The following ECT2L variants were observed in gnomAD, a reference collection of about 807,000 sequenced individuals.
ECT2L encodes the protein epithelial cell-transforming sequence 2 oncogene-like.
Under a neutral mutation model 122.8 loss-of-function variants are expected in ECT2L, and 126 were observed. That is an observed-to-expected ratio of 1.03 (90% CI 0.89 to 1.19). The LOEUF is 1.19. Ranked by LOEUF, ECT2L falls within the 50% of genes most tolerant of loss-of-function variation. ECT2L has a pLI of 0.00. For synonymous variants in ECT2L, 385 were observed against 381.8 expected, an observed-to-expected ratio of 1.01 and a Z score of -0.10; for missense variants, 1,012 against 1,064.1, an observed-to-expected ratio of 0.95 and a Z score of 0.68.
intron 4 of ECT2L, among the ~76,000 whole-genome samples, chr6:138,837,059 G>A (rs1433559096): frequency 6.6e-6 from 1 of 152,014 alleles, no homozygotes; most frequent in African/African-American, 2.4e-5. Flanking sequence ...CTTCTGGGAT[G>A]TTATTGCTTT....
intron 4 of ECT2L, among the ~76,000 whole-genome samples, chr6:138,816,732 G>T (rs906630098): frequency 5.3e-5 from 8 of 152,130 alleles, no homozygotes; most frequent in African/African-American, 1.9e-4. Flanking sequence ...TGATCTGCCT[G>T]CCTCGGCCTC....
At chr6:138,892,799 G>A (rs547744240) in intron 20 of ECT2L, among the ~76,000 whole-genome samples, 2 of 152,080 alleles carry the variant, frequency 1.3e-5, no homozygotes, top group African/African-American at 2.4e-5. Context: ...AGCCAGCACC[G>A]CTTATAACTT....
intron 4 of ECT2L, among the ~76,000 whole-genome samples, chr6:138,836,943 TGTCCCTGCCCTG>T (rs1776862903): frequency 6.6e-6 from 1 of 152,162 alleles, no homozygotes; most frequent in African/African-American, 2.4e-5. Context: ...ATACTTTCCT[TGTCCCTGCCCTG>T]GTATCAGTAT....
intron 4 of ECT2L, among the ~76,000 whole-genome samples, chr6:138,816,673 G>T (rs965495976): frequency 6.6e-6 from 1 of 152,108 alleles, no homozygotes; most frequent in African/African-American, 2.4e-5. Context: ...TTTTAGTAGA[G>T]ATGGGGTTTC....
At chr6:138,799,327 C>G (rs1304518736) in intron 1 of ECT2L, among the ~76,000 whole-genome samples, 1 of 151,938 alleles carries the variant, frequency 6.6e-6, no homozygotes, top group Non-Finnish European at 1.5e-5. Flanking sequence ...GATCTCGGCT[C>G]ACTGCAAGCT....
rs974027052 is a variant in ECT2L at position 138,854,492 on chromosome 6, C to T, written c.1198+338C>T. ...ATAATCATTCAATCCGAGAAAACAC[C>T]CCCTGCCGCCTTCTGAACCTGGAGT... On this transcript the variant is annotated intron_variant, in intron 10 of 21. Transcript: ENST00000541398. 3.9e-5 allele frequency among the ~76,000 whole-genome samples: 6 copies of T among 152,146 alleles called. No individual in the cohort carries two copies. In the South Asian group the frequency reaches 1.0e-3, roughly 26 times the overall value.
At chr6:138,853,209 A>G (rs1047712499) in intron 9 of ECT2L, among the ~76,000 whole-genome samples, 2 of 152,058 alleles carry the variant, frequency 1.3e-5, no homozygotes, top group African/African-American at 4.8e-5. Flanking sequence ...CTTGTGATCC[A>G]CCTGCCTCGG....
At chr6:138,883,801 G>A (rs17067985) in intron 16 of ECT2L, among the ~76,000 whole-genome samples, 10,133 of 152,288 alleles carry the variant, frequency 0.067, 429 homozygotes, top group East Asian at 0.13. Flanking sequence ...AGATAATGAT[G>A]CCTAGTTCAC....
At chr6:138,806,259 G>A (rs145057824) in intron 1 of ECT2L, among the ~76,000 whole-genome samples, 10 of 152,176 alleles carry the variant, frequency 6.6e-5, no homozygotes, top group Admixed American at 4.6e-4. Flanking sequence ...CTTACTTCAA[G>A]CTGGCCATGC....
At chr6:138,873,896 G>GTGTGTGTGTGTGTGTGTGTGTA (rs1167591342) in intron 13 of ECT2L, among the ~76,000 whole-genome samples, 42 of 149,794 alleles carry the variant, frequency 2.8e-4, no homozygotes, top group African/African-American at 1.0e-3. Flanking sequence ...GTGTGTGTGT[G>GTGTGTGTGTGTGTGTGTGTGTA]TGTGTGTGTG....
chr6:138,871,421 GGCAGGAGCAGACATAGAGAACT>G (rs937996944), intron 13 of ECT2L, among the ~76,000 whole-genome samples: 2 of 152,188 alleles, frequency 1.3e-5, no homozygotes, highest in Admixed American at 1.3e-4. Context: ...TGCAGGGCAG[GGCAGGAGCAGACATAGAGAACT>G]GCTGGAGGCA....
intron 4 of ECT2L, among the ~76,000 whole-genome samples, chr6:138,829,413 G>A (rs909337654): frequency 2.0e-5 from 3 of 152,030 alleles, no homozygotes; most frequent in Admixed American, 6.5e-5. Flanking sequence ...TCAAGAGTTC[G>A]GATCCATACT....
At chr6:138,801,086 C>T (rs1196255019) in intron 1 of ECT2L, among the ~76,000 whole-genome samples, 1 of 152,180 alleles carries the variant, frequency 6.6e-6, no homozygotes, top group African/African-American at 2.4e-5. Context: ...AAAGGCCCAA[C>T]CTCTTACTAT....
At position 138,864,002 on chromosome 6, in the gene ECT2L, T is replaced by TAAAAAAAAAAAAAAAAA. The variant is rs1172466449; in HGVS notation, c.1292-983_1292-967dup. On this transcript the variant is annotated intron_variant, in intron 11 of 21. Coordinates refer to ENST00000541398, the MANE Select transcript of ECT2L (RefSeq NM_001077706.3). ...CTCTCTTGTTCTCATTCTCCGTATTTAAAAAAAAAAAAAAAAAAAAAAAAA... is the reference window on the plus strand; with the variant it reads ...CTCTCTTGTTCTCATTCTCCGTATTTAAAAAAAAAAAAAAAAAAAAAAAAAAAAAAAAAAAAAAAAAA... Among the ~76,000 whole-genome samples the TAAAAAAAAAAAAAAAAA allele has an allele frequency of 4.7e-4, 26 of 55,872 alleles. 1 individual carries two copies. Among genetic ancestry groups the TAAAAAAAAAAAAAAAAA allele is most frequent in the African/African-American group, 1.9e-3 (24 of 12,776 alleles). 36.7% of individuals were successfully genotyped at this position (55,872 alleles called of 152,430 possible). A position where few individuals can be genotyped will look rare whatever the true frequency, so the allele number is the denominator to read the frequency against.
intron 16 of ECT2L, among the ~76,000 whole-genome samples, chr6:138,883,335 AAC>A (rs894570432): frequency 2.0e-5 from 3 of 152,266 alleles, no homozygotes; most frequent in Non-Finnish European, 2.9e-5. Context: ...GTAAATTATT[AAC>A]AGTTTTCCCT....
chr6:138,894,084 G>T (rs1283676354), intron 20 of ECT2L, among the ~76,000 whole-genome samples: 2 of 152,056 alleles, frequency 1.3e-5, no homozygotes, highest in Non-Finnish European at 2.9e-5. Flanking sequence ...TTGAGACGGA[G>T]TCTCACTCTG....
chr6:138,798,000 G>A (rs1775402072), intron 1 of ECT2L, among the ~76,000 whole-genome samples: 1 of 152,144 alleles, frequency 6.6e-6, no homozygotes, highest in African/African-American at 2.4e-5. Context: ...CGGAATTCAA[G>A]GAAACACTTT....
intron 4 of ECT2L, among the ~76,000 whole-genome samples, chr6:138,835,860 C>T (rs1776817603): frequency 6.6e-6 from 1 of 152,186 alleles, no homozygotes; most frequent in Non-Finnish European, 1.5e-5. Flanking sequence ...CCAGGGTTAT[C>T]TACTGTATTT....
chr6:138,865,968 C>T (rs772372610), intron 12 of ECT2L, among the ~76,000 whole-genome samples: 4 of 152,222 alleles, frequency 2.6e-5, no homozygotes, highest in African/African-American at 7.2e-5. Context: ...AGCTGTAACA[C>T]GCAAGCGTGC....
Sources: allele counts gnomAD v4.1 joint callset (sites outside exome capture counted in the v4.1 genomes callset), GRCh38; gene constraint gnomAD v4.1.1; transcripts MANE v1.5; gene names NCBI Gene and HGNC (gene_info 2026-07-23, HGNC 2026-07-21).